The following SMYD3 variants were observed in gnomAD, a reference collection of about 807,000 sequenced individuals.
SMYD3 encodes histone-lysine N-methyltransferase SMYD3.
SMYD3 carries 36 observed loss-of-function variants against 57.7 expected under a neutral mutation model. The observed-to-expected ratio is 0.62, with a 90% CI of 0.48 to 0.82. SMYD3 has a LOEUF of 0.82. Ranked by LOEUF, SMYD3 falls within the 40% of genes least tolerant of loss-of-function variation. The pLI, the probability that SMYD3 is intolerant of heterozygous loss-of-function variation, is 0.00. For missense variants in SMYD3, 515 were observed against 538.8 expected, an observed-to-expected ratio of 0.96 and a Z score of 0.44; for synonymous variants, 211 against 195.0, an observed-to-expected ratio of 1.08 and a Z score of -0.68.
chr1:246,225,321 C>CAAAAAAAAAAAAAAAAAAAAAAAAAA (rs60915002), intron 5 of SMYD3, among the ~76,000 whole-genome samples: 5 of 76,306 alleles, frequency 6.6e-5, no homozygotes, highest in African/African-American at 1.9e-4. Context: ...GCTGAAAAGT[C>CAAAAAAAAAAAAAAAAAAAAAAAAAA]AAAAAAAAAA....
At chr1:246,184,785 AAG>A (rs1380259197) in intron 5 of SMYD3, among the ~76,000 whole-genome samples, 3 of 152,142 alleles carry the variant, frequency 2.0e-5, no homozygotes, top group Non-Finnish European at 4.4e-5. Flanking sequence ...GCAAGCCAGG[AAG>A]AGAGACCTCA....
At chr1:246,180,887 C>A (rs1329409986) in intron 5 of SMYD3, among the ~76,000 whole-genome samples, 1 of 146,536 alleles carries the variant, frequency 6.8e-6, no homozygotes, top group African/African-American at 2.5e-5. Flanking sequence ...CCAGAACTGA[C>A]AGAAACAGAG....
chr1:245,910,292 A>C (rs2054873746), intron 8 of SMYD3, among the ~76,000 whole-genome samples: 1 of 152,180 alleles, frequency 6.6e-6, no homozygotes, highest in Admixed American at 6.5e-5. Flanking sequence ...TGATAAAAGA[A>C]ATTGAAGAGA....
intron 10 of SMYD3, among the ~76,000 whole-genome samples, chr1:245,787,154 C>T (rs377581520): frequency 4.0e-5 from 6 of 151,592 alleles, no homozygotes; most frequent in South Asian, 2.1e-4. Context: ...CACAGCCTTG[C>T]TATGCCCTGG....
intron 5 of SMYD3, among the ~76,000 whole-genome samples, chr1:246,156,132 G>T (rs1480856973): frequency 6.6e-6 from 1 of 151,730 alleles, no homozygotes; most frequent in Non-Finnish European, 1.5e-5. Context: ...TACCTAATTT[G>T]GTTACTATGT....
chr1:246,368,042 T>C (rs2066135666), intron 1 of SMYD3, among the ~76,000 whole-genome samples: 1 of 152,196 alleles, frequency 6.6e-6, no homozygotes, highest in Non-Finnish European at 1.5e-5. Context: ...TTAAGTCCTC[T>C]CTTCTGGGTA....
intron 5 of SMYD3, among the ~76,000 whole-genome samples, chr1:246,223,935 C>T (rs2063290992): frequency 6.6e-6 from 1 of 152,072 alleles, no homozygotes; most frequent in Non-Finnish European, 1.5e-5. Flanking sequence ...AAATCAGCTT[C>T]GTTTATAAAC....
intron 5 of SMYD3, among the ~76,000 whole-genome samples, chr1:246,090,485 T>C (rs904931377): frequency 7.4e-5 from 11 of 149,540 alleles, no homozygotes; most frequent in African/African-American, 2.2e-4. Flanking sequence ...CCTCTCTCTA[T>C]AGAGAAAGAG....
intron 7 of SMYD3, among the ~76,000 whole-genome samples, chr1:245,925,070 C>T (rs2056275349): frequency 6.6e-6 from 1 of 151,984 alleles, no homozygotes; most frequent in Non-Finnish European, 1.5e-5. Flanking sequence ...ATTGTGAATC[C>T]CATATTCTGA....
At chr1:246,012,782 C>T (rs1381812805) in intron 5 of SMYD3, among the ~76,000 whole-genome samples, 1 of 152,198 alleles carries the variant, frequency 6.6e-6, no homozygotes, top group African/African-American at 2.4e-5. Context: ...TTATCATATA[C>T]ATGTCTGTCA....
chr1:246,497,452 T>C (rs574121228), intron 1 of SMYD3, among the ~76,000 whole-genome samples: 3 of 152,302 alleles, frequency 2.0e-5, no homozygotes, highest in African/African-American at 7.2e-5. Flanking sequence ...AAAAATAAGT[T>C]GCCTTTCTGA....
chr1:245,935,108 G>T (rs2056925456), intron 5 of SMYD3, among the ~76,000 whole-genome samples: 1 of 152,182 alleles, frequency 6.6e-6, no homozygotes, highest in Non-Finnish European at 1.5e-5. Flanking sequence ...AAATGGTCAA[G>T]AAAGAGACAA....
chr1:246,382,794 G>A (rs535262396), intron 1 of SMYD3, among the ~76,000 whole-genome samples: 19 of 152,032 alleles, frequency 1.2e-4, no homozygotes, highest in Non-Finnish European at 2.6e-4. Context: ...TAACCCCCAT[G>A]GACTCAAACT....
At chr1:245,797,560 G>C (rs1438726389) in intron 10 of SMYD3, among the ~76,000 whole-genome samples, 1 of 151,116 alleles carries the variant, frequency 6.6e-6, no homozygotes, top group Non-Finnish European at 1.5e-5. Context: ...AGCATTAGGA[G>C]ATATACCTAA....
chr1:246,335,918 G>A lies in SMYD3; in HGVS notation c.229-444C>T, dbSNP rs553788348. ...TGACAGCCTTCTGAATTTCTGTGCT[G>A]CTACAGAAATATCAGGAGGGCTAAC... On this transcript the variant is annotated intron_variant, in intron 2 of 11. Transcript: ENST00000490107. Among the ~76,000 whole-genome samples the A allele has an allele frequency of 2.0e-5, 3 of 152,276 alleles. No individual in the cohort carries two copies. The East Asian group carries it at 5.8e-4, about 29-fold the overall frequency.
intron 10 of SMYD3, among the ~76,000 whole-genome samples, chr1:245,776,522 T>C (rs1162661656): frequency 6.6e-6 from 1 of 152,268 alleles, no homozygotes; most frequent in Non-Finnish European, 1.5e-5. Context: ...GTATCTACAA[T>C]GTTGTTTAAC....
At chr1:246,362,955 G>A in intron 1 of SMYD3, among the ~76,000 whole-genome samples, 1 of 149,724 alleles carries the variant, frequency 6.7e-6, no homozygotes, top group African/African-American at 2.5e-5. Flanking sequence ...CCTCTGCCTG[G>A]CTGCCCAGTC....
At chr1:246,244,225 G>C (rs867339918) in intron 5 of SMYD3, among the ~76,000 whole-genome samples, 2 of 151,994 alleles carry the variant, frequency 1.3e-5, no homozygotes, top group South Asian at 4.2e-4. Context: ...ACACCTAAAA[G>C]AGGCCAAGGA....
intron 8 of SMYD3, among the ~76,000 whole-genome samples, chr1:245,876,455 G>A (rs536242535): frequency 6.6e-5 from 10 of 152,314 alleles, no homozygotes; most frequent in South Asian, 4.1e-4. Context: ...CCATTGCTCC[G>A]AATCTCTGCG....
Sources: gnomAD v4.1 joint callset for allele counts (sites outside exome capture counted in the v4.1 genomes callset) on GRCh38, gnomAD v4.1.1 for gene constraint, MANE v1.5 for transcripts, NCBI Gene and HGNC (gene_info 2026-07-23, HGNC 2026-07-21) for gene names.